The following SYTL2 variants were observed in gnomAD, a reference collection of about 807,000 sequenced individuals.
The protein encoded by SYTL2 is synaptotagmin like 2.
A neutral mutation model predicts 198.7 loss-of-function variants in SYTL2; 165 were observed. That is an observed-to-expected ratio of 0.83 (90% CI 0.73 to 0.94). The LOEUF is 0.94. Among genes scored for constraint, SYTL2 ranks in the 40% least tolerant of loss-of-function variants. The pLI is 0.00. For synonymous variants in SYTL2, 966 were observed against 917.7 expected (o/e 1.05, Z -0.95); for missense variants, 2,835 against 2,582.8 (o/e 1.10, Z -2.12).
chr11:85,810,177 A>G (rs1380871933), intron 1 of SYTL2, among the ~76,000 whole-genome samples: 1 of 152,150 alleles, frequency 6.6e-6, no homozygotes. Flanking sequence ...CTAGGCTTCT[A>G]TCTCAACCCT....
chr11:85,767,835 A>T (rs1048180671), intron 1 of SYTL2, among the ~76,000 whole-genome samples: 1 of 152,188 alleles, frequency 6.6e-6, no homozygotes, highest in African/African-American at 2.4e-5. Flanking sequence ...TGTAATATGC[A>T]GCCAGAATTA....
intron 1 of SYTL2, among the ~76,000 whole-genome samples, chr11:85,758,391 C>A (rs939644116): frequency 1.3e-5 from 2 of 152,186 alleles, no homozygotes; most frequent in African/African-American, 4.8e-5. Flanking sequence ...TCTCTCTCTG[C>A]AAACTCTGGG....
In SYTL2 at chr11:85,724,031, C is replaced by G. The variant is rs2088745965; in HGVS notation, c.5326+1G>C. The G allele has an allele frequency of 6.9e-7, 1 of 1,446,554 alleles. No homozygotes were observed. The highest frequency in any genetic ancestry group is 1.7e-5 in the South Asian group (1 of 58,488). 89.6% of individuals were successfully genotyped at this position (1,446,554 alleles called of 1,614,324 possible). On this transcript the variant is annotated splice_donor_variant, in intron 8 of 19. Coordinates refer to ENST00000359152, the MANE Select transcript of SYTL2 (RefSeq NM_206927.4). LOFTEE classifies it high-confidence loss of function. ...TGAGTTAAAAAATTTTAAATGCTCA[C>G]TGGAAGGATTTCTCCAGCTCTCTGC... is the stretch of plus-strand genomic sequence containing the variant.
the SYTL2 span, among the ~76,000 whole-genome samples, chr11:85,849,200 A>G: frequency 6.6e-6 from 1 of 152,232 alleles, no homozygotes; most frequent in Non-Finnish European, 1.5e-5. Flanking sequence ...GCCCTTTGTC[A>G]GATGAGTAGG....
intron 1 of SYTL2, among the ~76,000 whole-genome samples, chr11:85,758,481 A>G (rs1291497580): frequency 6.6e-6 from 1 of 152,238 alleles, no homozygotes; most frequent in Non-Finnish European, 1.5e-5. Flanking sequence ...GAATCTAGAA[A>G]TAAAAATTTT....
the SYTL2 span, among the ~76,000 whole-genome samples, chr11:85,823,858 G>A: frequency 2.0e-5 from 3 of 152,174 alleles, no homozygotes; most frequent in South Asian, 2.1e-4. Flanking sequence ...TAAACTCTAC[G>A]TAAGCTCCAG....
chr11:85,720,704 C>T (rs2088165605), intron 9 of SYTL2, among the ~76,000 whole-genome samples, 154 bp downstream of exon 9: 1 of 152,128 alleles, frequency 6.6e-6, no homozygotes, highest in African/African-American at 2.4e-5. Flanking sequence ...TAGGTTGAGC[C>T]TCTTCAGCGC....
chr11:85,735,935 T>C (rs1171698557), intron 6 of SYTL2, among the ~76,000 whole-genome samples: 1 of 152,244 alleles, frequency 6.6e-6, no homozygotes, highest in Non-Finnish European at 1.5e-5. Flanking sequence ...CACTCTTTAA[T>C]GCTTGTGGAA....
At chr11:85,806,539 C>T (rs1262561141) in intron 1 of SYTL2, among the ~76,000 whole-genome samples, 1 of 152,140 alleles carries the variant, frequency 6.6e-6, no homozygotes, top group African/African-American at 2.4e-5. Context: ...AAGCAGTTTT[C>T]CTAACAATCT....
intron 1 of SYTL2, among the ~76,000 whole-genome samples, chr11:85,791,124 G>A (rs963894450): frequency 1.3e-4 from 15 of 112,520 alleles, no homozygotes; most frequent in Non-Finnish European, 2.3e-4. Flanking sequence ...CCAAGATCAC[G>A]CCACTGCACT....
chr11:85,730,910 A>G (rs2089746644), intron 7 of SYTL2, among the ~76,000 whole-genome samples: 1 of 152,204 alleles, frequency 6.6e-6, no homozygotes, highest in South Asian at 2.1e-4. Context: ...AGGATACAAA[A>G]TCAATGTGCA....
At chr11:85,824,528 G>A in the SYTL2 span, among the ~76,000 whole-genome samples, 1 of 152,202 alleles carries the variant, frequency 6.6e-6, no homozygotes. Flanking sequence ...GTGTCTTGGG[G>A]TAGAATGGTT....
intron 1 of SYTL2, among the ~76,000 whole-genome samples, chr11:85,783,599 C>T (rs2092595353): frequency 6.6e-6 from 1 of 152,146 alleles, no homozygotes; most frequent in African/African-American, 2.4e-5. Flanking sequence ...ACAGAATATT[C>T]TAGGCACGGT....
chr11:85,851,032 G>T, the SYTL2 span, among the ~76,000 whole-genome samples: 2 of 121,262 alleles, frequency 1.6e-5, no homozygotes, highest in East Asian at 2.9e-4. Flanking sequence ...GTGGTGGGGT[G>T]GGGGGAGGGG....
At chr11:85,781,643 G>T (rs2092561549) in intron 1 of SYTL2, among the ~76,000 whole-genome samples, 1 of 152,164 alleles carries the variant, frequency 6.6e-6, no homozygotes, top group African/African-American at 2.4e-5. Context: ...ATACAATGAG[G>T]GTACAGGCAT....
chr11:85,729,309 A>G (rs1459544001), intron 7 of SYTL2, among the ~76,000 whole-genome samples: 1 of 152,222 alleles, frequency 6.6e-6, no homozygotes, highest in East Asian at 1.9e-4. Flanking sequence ...ACCACATCGC[A>G]CTTATTCTAA....
At chr11:85,811,841 C>T (rs986875723), upstream of SYTL2, among the ~76,000 whole-genome samples, 1 of 152,178 alleles carries the variant, frequency 6.6e-6, no homozygotes, top group Non-Finnish European at 1.5e-5. Context: ...TGGCTCACAC[C>T]TGTAATCCCA....
At chr11:85,751,668 C>T (rs2091520960) in intron 2 of SYTL2, among the ~76,000 whole-genome samples, 1 of 152,190 alleles carries the variant, frequency 6.6e-6, no homozygotes, top group Non-Finnish European at 1.5e-5. Flanking sequence ...CCTGGTCATT[C>T]TCTCGTTCAT....
In SYTL2 at chr11:85,745,721, T is replaced by G. The variant is rs1290041647; in HGVS notation, c.305A>C (p.Asn102Thr). Residue 102 changes from asparagine (N) to threonine (T), a missense_variant, in exon 4 of 20, where the codon AAT becomes ACT. Physicochemically the swap from Asn to Thr is moderately conservative, Grantham distance 65. This residue lies in a region of SYTL2 where 2,645 missense variants were observed against 2,381.7 expected (regional missense o/e 1.11). Coordinates refer to ENST00000359152, the MANE Select transcript of SYTL2 (RefSeq NM_206927.4). ...AGGAAGGAAAGCATCTTTGTTGACA[T>G]TATTCACCCAGCTTTCCTTTGCCCC... ...ENGAKESWVN[N>T]VNKDAFLPPE... 5.6e-6 allele frequency: 9 copies of G among 1,613,780 alleles called. No homozygotes were observed. The highest frequency in any genetic ancestry group is 7.6e-6 in the Non-Finnish European group (9 of 1,179,744).
Sources: gnomAD v4.1 joint callset for allele counts (sites outside exome capture counted in the v4.1 genomes callset) on GRCh38, gnomAD v4.1.1 for gene constraint, gnomAD v4.1.1 regional missense constraint, MANE v1.5 for transcripts, NCBI Gene and HGNC (gene_info 2026-07-23, HGNC 2026-07-21) for gene names.